The following NXPH1 variants were observed in gnomAD, a reference collection of about 807,000 sequenced individuals.
NXPH1 encodes neurexophilin 1.
NXPH1 carries 5 observed loss-of-function variants against 23.7 expected under a neutral mutation model. The observed-to-expected ratio is 0.21, with a 90% CI of 0.11 to 0.44. NXPH1 has a LOEUF of 0.44. NXPH1 is among the 20% of genes least tolerant of loss of function. The pLI is 0.99. For synonymous variants in NXPH1, 144 were observed against 122.2 expected (o/e 1.18, Z -1.18); for missense variants, 324 against 321.6 (o/e 1.01, Z -0.06).
At chr7:8,664,967 A>G (rs952662488) in intron 2 of NXPH1, among the ~76,000 whole-genome samples, 1 of 151,772 alleles carries the variant, frequency 6.6e-6, no homozygotes, top group African/African-American at 2.4e-5. Flanking sequence ...CTCCCATTCC[A>G]TAGGTTATCT....
intron 2 of NXPH1, among the ~76,000 whole-genome samples, chr7:8,734,545 T>C (rs907627263): frequency 2.6e-5 from 4 of 152,218 alleles, no homozygotes; most frequent in Non-Finnish European, 2.9e-5. Flanking sequence ...CCTCTCTTAT[T>C]TCCTTGAGCA....
intron 2 of NXPH1, among the ~76,000 whole-genome samples, chr7:8,488,424 G>C (rs1219683810): frequency 1.3e-5 from 2 of 152,026 alleles, no homozygotes; most frequent in Non-Finnish European, 2.9e-5. Context: ...AATAACTCTA[G>C]AGATTAAATT....
intron 2 of NXPH1, among the ~76,000 whole-genome samples, chr7:8,522,480 G>C (rs1472254575): frequency 2.0e-5 from 3 of 152,120 alleles, no homozygotes; most frequent in Non-Finnish European, 4.4e-5. Context: ...TTATTTTATT[G>C]AGTATGCATT....
At chr7:8,538,764 T>A (rs922791497) in intron 2 of NXPH1, among the ~76,000 whole-genome samples, 1 of 151,888 alleles carries the variant, frequency 6.6e-6, no homozygotes, top group African/African-American at 2.4e-5. Flanking sequence ...AATTCAAATG[T>A]TGACTGGAGA....
chr7:8,463,113 A>T (rs1469085746), intron 2 of NXPH1, among the ~76,000 whole-genome samples: 4 of 152,166 alleles, frequency 2.6e-5, no homozygotes, highest in African/African-American at 9.6e-5. Flanking sequence ...TTTAGGGGTA[A>T]TTCTTCAGTC....
chr7:8,665,638 T>A (rs1820748281), intron 2 of NXPH1, among the ~76,000 whole-genome samples: 1 of 152,034 alleles, frequency 6.6e-6, no homozygotes, highest in African/African-American at 2.4e-5. Flanking sequence ...TATTATTTCT[T>A]CACATTCATG....
chr7:8,520,552 C>T (rs928624385), intron 2 of NXPH1, among the ~76,000 whole-genome samples: 4 of 152,122 alleles, frequency 2.6e-5, no homozygotes, highest in Non-Finnish European at 4.4e-5. Flanking sequence ...TGATCCATTT[C>T]CCCCCAAAGC....
intron 2 of NXPH1, among the ~76,000 whole-genome samples, chr7:8,483,221 T>C (rs1198985429): frequency 1.3e-5 from 2 of 152,226 alleles, no homozygotes; most frequent in Non-Finnish European, 2.9e-5. Flanking sequence ...CTACAAGTAA[T>C]TGCTTATAAT....
intron 2 of NXPH1, among the ~76,000 whole-genome samples, chr7:8,527,943 T>G (rs1318943561): frequency 6.6e-6 from 1 of 152,230 alleles, no homozygotes; most frequent in Non-Finnish European, 1.5e-5. Flanking sequence ...TATTTCTAAT[T>G]GATCATTTGG....
At chr7:8,548,937 T>C (rs1818235765) in intron 2 of NXPH1, among the ~76,000 whole-genome samples, 1 of 151,566 alleles carries the variant, frequency 6.6e-6, no homozygotes, top group Non-Finnish European at 1.5e-5. Context: ...GTAGTTAAGA[T>C]TCATAAAATT....
chr7:8,502,132 C>T (rs1584196657), intron 2 of NXPH1, among the ~76,000 whole-genome samples: 1 of 151,994 alleles, frequency 6.6e-6, no homozygotes, highest in East Asian at 1.9e-4. Context: ...CACTTAACCT[C>T]TTCTAGCTTC....
At chr7:8,674,057 G>C (rs1214547563) in intron 2 of NXPH1, among the ~76,000 whole-genome samples, 1 of 151,886 alleles carries the variant, frequency 6.6e-6, no homozygotes, top group East Asian at 1.9e-4. Context: ...TATTGGAGTT[G>C]TGCCTAAGTA....
At chr7:8,695,430 T>C (rs991170560) in intron 2 of NXPH1, among the ~76,000 whole-genome samples, 1 of 152,212 alleles carries the variant, frequency 6.6e-6, no homozygotes, top group African/African-American at 2.4e-5. Flanking sequence ...ATTATGTTTT[T>C]TTTCCTAGAT....
chr7:8,679,381 C>T (rs980046076), intron 2 of NXPH1, among the ~76,000 whole-genome samples: 8 of 152,172 alleles, frequency 5.3e-5, no homozygotes, highest in Admixed American at 3.9e-4. Flanking sequence ...GGGTGCCGCA[C>T]TGGAGAGCTC....
intron 2 of NXPH1, among the ~76,000 whole-genome samples, chr7:8,730,150 C>T (rs1780124941): frequency 6.7e-6 from 1 of 149,370 alleles, no homozygotes. Flanking sequence ...TTATCAGAGA[C>T]TAGGATTGCA....
Position 8,462,158 on chromosome 7 carries a change from C to T in NXPH1, c.54+26391C>T, listed in dbSNP as rs537416016. Among the ~76,000 whole-genome samples, 66 of 152,246 alleles carry T rather than the reference C, an allele frequency of 4.3e-4. 1 individual carries two copies. Among genetic ancestry groups the T allele is most frequent in the African/African-American group, 1.5e-3 (63 of 41,540 alleles). On this transcript the variant is annotated intron_variant, in intron 2 of 2. Coordinates refer to ENST00000405863, the MANE Select transcript of NXPH1 (RefSeq NM_152745.3). ...CTGCCTCATGGGTTCAAGTGATTCT[C>T]CCACCTCAGCCTCCCAAGTAGCTGG...
chr7:8,535,246 G>A (rs554842969), intron 2 of NXPH1, among the ~76,000 whole-genome samples: 31 of 152,096 alleles, frequency 2.0e-4, no homozygotes, highest in African/African-American at 6.5e-4. Context: ...TGCCTGTCAC[G>A]TTTAGGTTTG....
At chr7:8,648,029 T>C (rs969160413) in intron 2 of NXPH1, among the ~76,000 whole-genome samples, 2 of 152,160 alleles carry the variant, frequency 1.3e-5, no homozygotes, top group Non-Finnish European at 2.9e-5. Flanking sequence ...CTTTTAATTT[T>C]TGTGGATACA....
chr7:8,522,591 C>T (rs1344775840), intron 2 of NXPH1, among the ~76,000 whole-genome samples: 2 of 152,138 alleles, frequency 1.3e-5, no homozygotes, highest in African/African-American at 4.8e-5. Flanking sequence ...CAGTGAGGGA[C>T]TTAAAATTCA....
Sources: gnomAD v4.1 joint callset for allele counts (sites outside exome capture counted in the v4.1 genomes callset) on GRCh38, gnomAD v4.1.1 for gene constraint, MANE v1.5 for transcripts, NCBI Gene and HGNC (gene_info 2026-07-23, HGNC 2026-07-21) for gene names.